The following CPA3 variants were observed in gnomAD, a reference collection of about 807,000 sequenced individuals.
The protein encoded by CPA3 is carboxypeptidase A3.
A neutral mutation model predicts 55.8 loss-of-function variants in CPA3; 52 were observed. The observed-to-expected ratio is 0.93, with a 90% CI of 0.75 to 1.17. The LOEUF is 1.17. CPA3 is among the 50% of genes most tolerant of loss of function. The probability of loss-of-function intolerance (pLI) is 0.00; values close to 1 mark genes in which losing one functional copy is unlikely to be tolerated. For missense variants in CPA3, 547 were observed against 509.1 expected, an observed-to-expected ratio of 1.07 and a Z score of -0.72; for synonymous variants, 179 against 171.2, an observed-to-expected ratio of 1.05 and a Z score of -0.36.
chr3:148,865,911 T>C (rs1488052116), intron 2 of CPA3, among the ~76,000 whole-genome samples: 1 of 152,206 alleles, frequency 6.6e-6, no homozygotes. Flanking sequence ...GTGCCATAAT[T>C]TCTCTTGAGT....
chr3:148,892,694 C>G (rs1028704104), intron 10 of CPA3, among the ~76,000 whole-genome samples: 3 of 151,342 alleles, frequency 2.0e-5, no homozygotes, highest in Non-Finnish European at 4.4e-5. Context: ...CAAAGCAAAA[C>G]TGTCTGGGTG....
chr3:148,870,092 C>CAAAAAAAA (rs66460704), intron 3 of CPA3: 5 of 63,468 alleles, frequency 7.9e-5, no homozygotes, highest in Non-Finnish European at 1.2e-4. Flanking sequence ...GACTCCATCT[C>CAAAAAAAA]AAAAAAAAAA....
At chr3:148,879,266 C>T (rs1393768702) in intron 5 of CPA3, among the ~76,000 whole-genome samples, 3 of 152,186 alleles carry the variant, frequency 2.0e-5, no homozygotes, top group Non-Finnish European at 4.4e-5. Flanking sequence ...AGCCCATCCA[C>T]ATCCCAAACC....
intron 3 of CPA3, among the ~76,000 whole-genome samples, chr3:148,873,322 A>G (rs1714118891): frequency 6.6e-6 from 1 of 150,970 alleles, no homozygotes; most frequent in Non-Finnish European, 1.5e-5. Flanking sequence ...TCACCCTGAC[A>G]GTGACTCTGC....
At chr3:148,886,072 C>T in intron 9 of CPA3, 21 bp from the exon 10 acceptor site, 1 of 1,564,040 alleles carries the variant, frequency 6.4e-7, no homozygotes. Context: ...TTATTTCACT[C>T]TAACTTTCCT....
intron 9 of CPA3, among the ~76,000 whole-genome samples, chr3:148,884,870 A>C (rs138823564): frequency 2.0e-5 from 3 of 149,906 alleles, no homozygotes; most frequent in East Asian, 2.0e-4. Flanking sequence ...CATATCCACA[A>C]AAAAAAAAAC....
At chr3:148,865,442 C>G in intron 1 of CPA3, 31 bp from the exon 2 acceptor site, 4 of 1,609,070 alleles carry the variant, frequency 2.5e-6, no homozygotes, top group Non-Finnish European at 3.4e-6. Context: ...CCTTACAGTT[C>G]ACTTTTTTTT....
At position 148,872,662 on chromosome 3, in the gene CPA3, C is replaced by A. The variant is rs190266181; in HGVS notation, c.269+3623C>A. On this transcript the variant is annotated intron_variant, in intron 3 of 10. Coordinates refer to ENST00000296046, the MANE Select transcript of CPA3 (RefSeq NM_001870.4). ...TATCCAGTGTTTCAATCAAATCATT[C>A]TAATGTGTCATTCCATTCATTTTTT... Among the ~76,000 whole-genome samples, 220 of 152,258 alleles carry A rather than the reference C, an allele frequency of 1.4e-3. 1 individual carries two copies. Among genetic ancestry groups the A allele is most frequent in the African/African-American group, 5.0e-3 (209 of 41,538 alleles).
intron 2 of CPA3, among the ~76,000 whole-genome samples, chr3:148,868,020 C>T (rs113359714): frequency 0.015 from 2,249 of 152,244 alleles, 30 homozygotes; most frequent in Non-Finnish European, 0.024. Flanking sequence ...ATCAGCCTCC[C>T]GAGTAGCTGA....
At chr3:148,871,487 A>G (rs961417100) in intron 3 of CPA3, among the ~76,000 whole-genome samples, 3 of 152,226 alleles carry the variant, frequency 2.0e-5, no homozygotes, top group African/African-American at 7.2e-5. Flanking sequence ...TCACTGTAAG[A>G]CACCTAGGCA....
intron 2 of CPA3, among the ~76,000 whole-genome samples, chr3:148,868,123 G>A (rs939685893): frequency 3.9e-5 from 6 of 152,184 alleles, no homozygotes; most frequent in African/African-American, 9.6e-5. Flanking sequence ...TCGAACTCCC[G>A]ACCTCAGGTG....
In CPA3 at chr3:148,868,905, A is replaced by G. The variant is rs1713981113; in HGVS notation, c.145-10A>G. On this transcript the variant is annotated splice_polypyrimidine_tract_variant and intron_variant, in intron 2 of 10. Transcript: ENST00000296046. ...ATAAACTCTGACTAACATTGAGCTT[A>G]TCTCTGCAGCTTGACTTCTGGTATC... is the stretch of plus-strand genomic sequence containing the variant. The G allele has an allele frequency of 6.2e-7, 1 of 1,612,920 alleles. No homozygotes were observed. Among genetic ancestry groups the G allele is most frequent in the Non-Finnish European group, 8.5e-7 (1 of 1,179,746 alleles).
chr3:148,896,460 C>A, intron 10 of CPA3, 60 bp from the exon 11 acceptor site: 1 of 1,375,630 alleles, frequency 7.3e-7, no homozygotes, highest in Non-Finnish European at 9.8e-7. Context: ...CACTGATTTC[C>A]ACTTTAAAAA....
chr3:148,869,006 A>G lies in CPA3; in HGVS notation c.236A>G (p.Gln79Arg). The G allele has an allele frequency of 6.2e-6, 10 of 1,614,128 alleles. No homozygotes were observed. The highest frequency in any genetic ancestry group is 7.6e-6 in the Non-Finnish European group (9 of 1,179,966). The stretch of plus-strand genomic sequence containing the variant: ...AGTGAGAAGGAATCCCAAGCCATCC[A>G]GTCTGCCTTGGATCAAAATAAAATG... ...RVSEKESQAIQSALDQNKMHY... is the reference protein window; with the variant it reads ...RVSEKESQAIRSALDQNKMHY... The change falls in exon 3 of 11, where the codon CAG (glutamine) becomes CGG (arginine). Residue 79 changes from glutamine (Q) to arginine (R), a missense_variant. Transcript: ENST00000296046.
chr3:148,885,960 C>T, intron 9 of CPA3, 133 bp from the exon 10 acceptor site: 1 of 658,090 alleles, frequency 1.5e-6, no homozygotes, highest in Non-Finnish European at 2.7e-6. Context: ...AGTCTTGAAA[C>T]TAAAGATCAA....
In CPA3 at chr3:148,878,090, CAT is replaced by C. The variant is rs1054630321; in HGVS notation, c.270-349_270-348del. Among the ~76,000 whole-genome samples, 20 of 152,290 alleles carry C rather than the reference CAT, an allele frequency of 1.3e-4. No homozygotes were observed. In the Middle Eastern group the frequency reaches 0.014, roughly 104 times the overall value. ...TATCTGAAATTTTTATTCTACACAA[CAT>C]AAAACTTATTAGTGAGATAGTTTAT... On this transcript the variant is annotated intron_variant, in intron 3 of 10. Coordinates refer to ENST00000296046, the MANE Select transcript of CPA3 (RefSeq NM_001870.4).
rs374800491 is a variant in CPA3 at position 148,878,699 on chromosome 3, G to A, written c.425G>A (p.Arg142His). 111 of 1,611,960 alleles carry A rather than the reference G, an allele frequency of 6.9e-5. No individual in the cohort carries two copies. The Admixed American group carries it at 1.0e-3, about 15-fold the overall frequency. ...GATAAGTATCCTGAAATGGTCTCTC[G>A]TATTAAAATTGGATCTACTGTTGAA... ...MMDKYPEMVS[R>H]IKIGSTVEDN... The change falls in exon 5 of 11, where the codon CGT (arginine) becomes CAT (histidine). Residue 142 changes from arginine (R) to histidine (H), a missense_variant. By Grantham distance (29) the Arg-to-His change is conservative. Coordinates refer to ENST00000296046, the MANE Select transcript of CPA3 (RefSeq NM_001870.4).
At chr3:148,893,714 C>A (rs1714737888) in intron 10 of CPA3, among the ~76,000 whole-genome samples, 1 of 152,134 alleles carries the variant, frequency 6.6e-6, no homozygotes, top group African/African-American at 2.4e-5. Context: ...CAGAGAAACT[C>A]ACATCAAAGT....
chr3:148,878,623 C>T lies in CPA3; in HGVS notation c.373-24C>T, dbSNP rs373995016. 8 of 1,580,028 alleles carry T rather than the reference C, an allele frequency of 5.1e-6. No homozygotes were observed. The African/African-American group carries it at 1.1e-4, about 22-fold the overall frequency. ...ATTTTGTTTTCTTTTATTCTAATTTCTCAAAATTGATTTTGCTCTTAAGAT... is the reference window on the plus strand; with the variant it reads ...ATTTTGTTTTCTTTTATTCTAATTTTTCAAAATTGATTTTGCTCTTAAGAT... On this transcript the variant is annotated intron_variant, in intron 4 of 10. Coordinates refer to ENST00000296046, the MANE Select transcript of CPA3 (RefSeq NM_001870.4).
Sources: allele counts gnomAD v4.1 joint callset (sites outside exome capture counted in the v4.1 genomes callset), GRCh38; gene constraint gnomAD v4.1.1; transcripts MANE v1.5; gene names NCBI Gene and HGNC (gene_info 2026-07-23, HGNC 2026-07-21).